Variants in SCARB2 observed in about 807,000 individuals in gnomAD.
The protein encoded by SCARB2 is scavenger receptor class B member 2, also known as lysosome membrane protein 2.
SCARB2 carries 29 observed loss-of-function variants against 58.6 expected under a neutral mutation model. That is an observed-to-expected ratio of 0.49 (90% confidence interval 0.37 to 0.67). The LOEUF is 0.67. SCARB2 is among the 30% of genes least tolerant of loss of function. The pLI, the probability that SCARB2 is intolerant of heterozygous loss-of-function variation, is 0.00. For missense variants in SCARB2, 488 were observed against 578.5 expected, an observed-to-expected ratio of 0.84 and a Z score of 1.60; for synonymous variants, 195 against 210.1, an observed-to-expected ratio of 0.93 and a Z score of 0.62.
chr4:76,216,800 T>A (rs1001243691), upstream of SCARB2, among the ~76,000 whole-genome samples: 3 of 152,372 alleles, frequency 2.0e-5, no homozygotes, highest in South Asian at 6.2e-4. Flanking sequence ...AGGCTAGCAT[T>A]TTTAAATGTG....
chr4:76,222,479 C>T (rs1428619787), intron 1 of SCARB2, among the ~76,000 whole-genome samples: 2 of 152,154 alleles, frequency 1.3e-5, no homozygotes, highest in Admixed American at 6.5e-5. Context: ...CCACCTGCCT[C>T]GGCCTTCCAA....
chr4:76,180,931 A>C, intron 3 of SCARB2, 23 bp downstream of exon 3: 1 of 1,598,710 alleles, frequency 6.3e-7, no homozygotes, highest in Non-Finnish European at 8.5e-7. Flanking sequence ...ATCCAACTTA[A>C]TGGTATTAAA....
intron 9 of SCARB2, among the ~76,000 whole-genome samples, chr4:76,167,947 T>TG (rs1439466212): frequency 6.6e-5 from 10 of 152,228 alleles, no homozygotes; most frequent in Admixed American, 2.0e-4. Context: ...CCCAAAGTGC[T>TG]GGATTACAGG....
At chr4:76,202,679 TA>T (rs1397352109) in intron 1 of SCARB2, among the ~76,000 whole-genome samples, 1 of 152,232 alleles carries the variant, frequency 6.6e-6, no homozygotes, top group Non-Finnish European at 1.5e-5. Context: ...AAATCCCCTG[TA>T]ATCCACACTA....
chr4:76,221,444 G>A (rs1428187983), intron 1 of SCARB2, among the ~76,000 whole-genome samples: 10 of 152,148 alleles, frequency 6.6e-5, no homozygotes, highest in African/African-American at 1.2e-4. Flanking sequence ...TCAGCCTCCC[G>A]AGTAGCTGGG....
chr4:76,212,312 TA>T (rs1365061212), intron 1 of SCARB2, among the ~76,000 whole-genome samples: 1 of 152,224 alleles, frequency 6.6e-6, no homozygotes, highest in African/African-American at 2.4e-5. Context: ...ATGTGAACTT[TA>T]AAAATTACAT....
At chr4:76,233,916 T>C (rs901421635) in intron 1 of SCARB2, among the ~76,000 whole-genome samples, 10 of 152,190 alleles carry the variant, frequency 6.6e-5, no homozygotes, top group Non-Finnish European at 8.8e-5. Flanking sequence ...CTTTAAAAGT[T>C]ACTACTGATG....
chr4:76,162,612 G>A (rs969967660), intron 11 of SCARB2: 5 of 157,028 alleles, frequency 3.2e-5, no homozygotes, highest in East Asian at 1.9e-4. Context: ...AGGTATCTTC[G>A]GATACATCAG....
intron 2 of SCARB2, among the ~76,000 whole-genome samples, chr4:76,181,535 T>C (rs1361657580): frequency 2.0e-5 from 3 of 152,328 alleles, no homozygotes; most frequent in Admixed American, 2.0e-4. Context: ...TAAAAAATAA[T>C]GCCCAAGGCT....
intron 1 of SCARB2, among the ~76,000 whole-genome samples, chr4:76,229,713 T>C (rs1733460950): frequency 6.6e-6 from 1 of 152,236 alleles, no homozygotes; most frequent in Non-Finnish European, 1.5e-5. Context: ...CAGCTGTGCA[T>C]ACCAGCACCT....
Position 76,213,580 on chromosome 4 carries a change from C to A in SCARB2, c.-37G>T, listed in dbSNP as rs201795489. 1 of 1,560,854 alleles carries A rather than the reference C, an allele frequency of 6.4e-7. No individual in the cohort carries two copies. The highest frequency in any genetic ancestry group is 1.7e-5 in the Admixed American group (1 of 58,706). The stretch of plus-strand genomic sequence containing the variant: ...CTCACGGGCCGGGCCGGGCCGCACC[C>A]GCCAGGGATCCAACTGCAAGGAGGG... On this transcript the variant is annotated 5_prime_UTR_variant, in exon 1 of 12. Transcript: ENST00000264896.
chr4:76,197,083 C>T (rs1255596892), intron 1 of SCARB2, among the ~76,000 whole-genome samples: 1 of 152,200 alleles, frequency 6.6e-6, no homozygotes, highest in Non-Finnish European at 1.5e-5. Flanking sequence ...AGAAGACAGG[C>T]CTCAGAAGAA....
At chr4:76,228,403 C>T (rs189726171) in intron 1 of SCARB2, among the ~76,000 whole-genome samples, 20 of 151,570 alleles carry the variant, frequency 1.3e-4, no homozygotes, top group African/African-American at 3.9e-4. Context: ...CACTTGAACC[C>T]GGAAGGTGAA....
In SCARB2 at chr4:76,209,917, G is replaced by A. The variant is rs1395463936; in HGVS notation, c.117+3510C>T. Among the ~76,000 whole-genome samples, 4 of 152,182 alleles carry A rather than the reference G, an allele frequency of 2.6e-5. No homozygotes were observed. The South Asian group carries it at 6.2e-4, about 24-fold the overall frequency. On this transcript the variant is annotated intron_variant, in intron 1 of 11. Coordinates refer to ENST00000264896, the MANE Select transcript of SCARB2 (RefSeq NM_005506.4). ...TCCCTTGTTGGCCAGCCCTGACTGT[G>A]GCCAGTTCTGCATCCCTATTACTGG...
At chr4:76,234,144 A>T (rs1733541613) in intron 1 of SCARB2, among the ~76,000 whole-genome samples, 1 of 151,976 alleles carries the variant, frequency 6.6e-6, no homozygotes, top group South Asian at 2.1e-4. Context: ...GGTGGAGGGG[A>T]GCCGCTGCTC....
rs1733125893 is a variant in SCARB2 at position 76,213,657 on chromosome 4, ACGCCCTCCCGG to A, written c.-125_-115del. 1.3e-6 allele frequency: 1 copy of A among 794,364 alleles called. No individual in the cohort carries two copies. Among genetic ancestry groups the A allele is most frequent in the Non-Finnish European group, 2.1e-6 (1 of 484,112 alleles). The allele number at this position is 794,364 out of a possible 1,614,324, so 49.2% of individuals were successfully genotyped here. On this transcript the variant is annotated 5_prime_UTR_variant, in exon 1 of 12. Transcript: ENST00000264896. ...CCCGGGACCCTTCGGCGCCACGCCCACGCCCTCCCGGCGCACGGTTCGTGCGCGCAGCTCTG... is the reference window on the plus strand; with the variant it reads ...CCCGGGACCCTTCGGCGCCACGCCCACGCACGGTTCGTGCGCGCAGCTCTG...
chr4:76,210,789 C>T (rs1184515999), intron 1 of SCARB2, among the ~76,000 whole-genome samples: 3 of 152,214 alleles, frequency 2.0e-5, no homozygotes, highest in Non-Finnish European at 4.4e-5. Flanking sequence ...TACCTCTGGT[C>T]ACTGCAGGGT....
At chr4:76,195,036 G>A (rs1732684432) in intron 2 of SCARB2, 2 of 152,134 alleles carry the variant, frequency 1.3e-5, no homozygotes, top group South Asian at 4.1e-4. Context: ...AGTTATGTGG[G>A]GAATGGAAAT....
intron 1 of SCARB2, among the ~76,000 whole-genome samples, chr4:76,209,038 C>A (rs1732986839): frequency 6.6e-6 from 1 of 152,232 alleles, no homozygotes; most frequent in Admixed American, 6.5e-5. Flanking sequence ...CACGCTCTCT[C>A]CTTCCCTCTC....
Sources: gnomAD v4.1 joint callset for allele counts (sites outside exome capture counted in the v4.1 genomes callset) on GRCh38, gnomAD v4.1.1 for gene constraint, MANE v1.5 for transcripts, NCBI Gene and HGNC (gene_info 2026-07-23, HGNC 2026-07-21) for gene names.